The following DOCK9 variants were observed in gnomAD, a reference collection of about 807,000 sequenced individuals.
DOCK9 encodes the protein dedicator of cytokinesis 9, also known as dedicator of cytokinesis protein 9.
A neutral mutation model predicts 263.3 loss-of-function variants in DOCK9; 89 were observed. That is an observed-to-expected ratio of 0.34 (90% CI 0.28 to 0.40). The LOEUF is 0.40. Among genes scored for constraint, DOCK9 ranks in the 10% least tolerant of loss-of-function variants. The pLI, the probability that DOCK9 is intolerant of heterozygous loss-of-function variation, is 1.00. For synonymous variants in DOCK9, 976 were observed against 973.1 expected, an observed-to-expected ratio of 1.00 and a Z score of -0.06; for missense variants, 2,140 against 2,603.4, an observed-to-expected ratio of 0.82 and a Z score of 3.87.
rs182015959 is a variant in DOCK9 at position 98,869,300 on chromosome 13, T to G, written c.2944-923A>C. Among the ~76,000 whole-genome samples the G allele has an allele frequency of 3.9e-5, 6 of 152,358 alleles. No individual in the cohort carries two copies. The East Asian group carries it at 9.6e-4, about 24-fold the overall frequency. On this transcript the variant is annotated intron_variant, in intron 27 of 52. Coordinates refer to ENST00000682017, the MANE Select transcript of DOCK9 (RefSeq NM_001366683.2). ...TCAGACACTGCACTACATATTTGTA[T>G]GTACTTTTTCATTCAATTCTTGTAA...
At chr13:98,917,572 G>A (rs1018787502) in intron 7 of DOCK9, among the ~76,000 whole-genome samples, 3 of 151,890 alleles carry the variant, frequency 2.0e-5, no homozygotes, top group African/African-American at 7.3e-5. Flanking sequence ...ACAATTTTCA[G>A]TGAGCATTAA....
chr13:98,930,194 C>A lies in DOCK9; in HGVS notation c.307G>T (p.Glu103Ter). ...CSTVPAKAEE[E>*]AQSLFVTECI... ...TCTGTAACAAACAAGCTCTGTGCTT[C>A]CTCTTCCGCCTTCGCAGGCACTGTT... is the stretch of plus-strand genomic sequence containing the variant. Residue 103 changes from glutamate (E) to a stop codon, truncating the protein, a stop_gained, in exon 3 of 53, where the codon GAA becomes TAA. Coordinates refer to ENST00000682017, the MANE Select transcript of DOCK9 (RefSeq NM_001366683.2). LOFTEE classifies it high-confidence loss of function. The A allele has an allele frequency of 6.2e-7, 1 of 1,611,682 alleles. No homozygotes were observed.
At chr13:98,931,718 C>A (rs1035096663) in intron 2 of DOCK9, among the ~76,000 whole-genome samples, 10 of 152,314 alleles carry the variant, frequency 6.6e-5, no homozygotes, top group African/African-American at 2.2e-4. Flanking sequence ...ATGCTTCAGC[C>A]TCCTGAGTAG....
At chr13:98,985,069 G>T (rs1051389435) in intron 1 of DOCK9, among the ~76,000 whole-genome samples, 9 of 142,938 alleles carry the variant, frequency 6.3e-5, no homozygotes, top group South Asian at 2.5e-4. Context: ...AGACTATGGG[G>T]GCAGGGGGGT....
chr13:98,807,890 G>C, intron 47 of DOCK9, 83 bp from the exon 48 acceptor site: 1 of 1,175,258 alleles, frequency 8.5e-7, no homozygotes, highest in Non-Finnish European at 1.1e-6. Context: ...TATTACAAGG[G>C]GGAAAAAAAG....
rs2041875155 is a variant in DOCK9 at position 99,075,540 on chromosome 13, C to CT, written c.129+10682dup. 2.7e-5 allele frequency among the ~76,000 whole-genome samples: 4 copies of CT among 150,920 alleles called. No individual in the cohort carries two copies. The South Asian group carries it at 6.3e-4, about 24-fold the overall frequency. On this transcript the variant is annotated intron_variant, in intron 1 of 32. Coordinates refer to the DOCK9 transcript ENST00000427887. ...AGCTAATTTTTTCTTTCCTTTTTTT[C>CT]TTTTTTTTAGAGATGGGTTCTCACT...
At chr13:98,906,953 G>A (rs1355573953) in intron 9 of DOCK9, among the ~76,000 whole-genome samples, 5 of 152,126 alleles carry the variant, frequency 3.3e-5, no homozygotes, top group East Asian at 1.9e-4. Flanking sequence ...TGATGCTATC[G>A]ATGGGAGCCT....
chr13:99,034,265 G>A (rs1035479984), intron 1 of DOCK9, among the ~76,000 whole-genome samples: 2 of 152,044 alleles, frequency 1.3e-5, no homozygotes, highest in South Asian at 2.1e-4. Context: ...GTACAGAGTC[G>A]GCAAAGCAGG....
chr13:98,950,164 A>T, intron 2 of DOCK9: 1 of 727,870 alleles, frequency 1.4e-6, no homozygotes, highest in Non-Finnish European at 2.2e-6. Flanking sequence ...CACACCATTA[A>T]TTCTTTGGAT....
Position 98,797,248 on chromosome 13 carries a change from A to G in DOCK9, c.6023T>C (p.Phe2008Ser). 6.2e-7 allele frequency: 1 copy of G among 1,613,938 alleles called. No homozygotes were observed. Among genetic ancestry groups the G allele is most frequent in the African/African-American group, 1.3e-5 (1 of 75,018 alleles). ...TAAGGCTTGACCGCAAGCTTCCACA[A>G]ATTGCCTGGAATGGTACAGGCGGGA... ...VKLLKEVFRQFVEACGQALAV... is the reference protein window; with the variant it reads ...VKLLKEVFRQSVEACGQALAV... The change falls in exon 52 of 53, where the codon TTT (phenylalanine) becomes TCT (serine). Residue 2008 changes from phenylalanine (F) to serine (S), a missense_variant. This residue lies in a region of DOCK9 where 619 missense variants were observed against 861.8 expected (regional missense o/e 0.72). Transcript: ENST00000682017.
At chr13:98,914,190 T>G in intron 9 of DOCK9, 138 bp downstream of exon 9, 1 of 716,524 alleles carries the variant, frequency 1.4e-6, no homozygotes, top group Admixed American at 2.9e-5. Context: ...CGTCACCTCG[T>G]AATCAGGTCA....
intron 13 of DOCK9, among the ~76,000 whole-genome samples, chr13:98,899,981 C>T (rs2048029846): frequency 6.6e-6 from 1 of 151,960 alleles, no homozygotes; most frequent in African/African-American, 2.4e-5. Context: ...TGTTCTAGAC[C>T]ATCTTGGAAA....
intron 1 of DOCK9, among the ~76,000 whole-genome samples, chr13:99,073,360 TTCTCTCTCTCC>T (rs753144871): frequency 7.1e-6 from 1 of 141,300 alleles, no homozygotes; most frequent in African/African-American, 2.6e-5. Flanking sequence ...TCTTCTTCTT[TTCTCTCTCTCC>T]TCTCTCTCTC....
rs2052394196 is a variant in DOCK9, at chr13:98,923,384, C to T, written c.417-13G>A. On this transcript the variant is annotated splice_polypyrimidine_tract_variant and intron_variant, in intron 4 of 52. Transcript: ENST00000682017. ...CTTGACCACTTTGCTATAAAAACAA[C>T]AAAGAAAATTTGTTTTAGAAATGCC... 2 of 1,611,788 alleles carry T rather than the reference C, an allele frequency of 1.2e-6. No homozygotes were observed. The highest frequency in any genetic ancestry group is 1.7e-6 in the Non-Finnish European group (2 of 1,178,126).
At chr13:98,885,974 A>G (rs1448896375) in intron 19 of DOCK9, 143 bp from the exon 20 acceptor site, 4 of 706,682 alleles carry the variant, frequency 5.7e-6, no homozygotes, top group Non-Finnish European at 8.5e-6. Flanking sequence ...AAAGATACTG[A>G]GACTATAAAT....
upstream of DOCK9, among the ~76,000 whole-genome samples, chr13:98,980,362 T>C (rs1876891105): frequency 6.6e-6 from 1 of 152,278 alleles, no homozygotes; most frequent in African/African-American, 2.4e-5. Flanking sequence ...TATCCTCATT[T>C]GACAGATGAG....
Position 98,868,216 on chromosome 13 carries a change from C to G in DOCK9, c.3090+15G>C. On this transcript the variant is annotated intron_variant, in intron 28 of 52. Coordinates refer to ENST00000682017, the MANE Select transcript of DOCK9 (RefSeq NM_001366683.2). The stretch of plus-strand genomic sequence containing the variant: ...TTGTCCCATAACTGATATCCTCTTC[C>G]CTGGAGGTCCCCACCTTGATGAAGA... The G allele has an allele frequency of 5.0e-6, 8 of 1,613,344 alleles. No individual in the cohort carries two copies. Among genetic ancestry groups the G allele is most frequent in the Non-Finnish European group, 6.8e-6 (8 of 1,179,602 alleles).
intron 15 of DOCK9, among the ~76,000 whole-genome samples, chr13:98,889,053 G>A (rs2046230756): frequency 6.6e-6 from 1 of 152,180 alleles, no homozygotes; most frequent in African/African-American, 2.4e-5. Flanking sequence ...CATGGCTAGT[G>A]GCTGCGCACT....
intron 1 of DOCK9, among the ~76,000 whole-genome samples, chr13:98,987,373 T>G (rs550692806): frequency 3.7e-4 from 57 of 152,240 alleles, no homozygotes; most frequent in African/African-American, 1.3e-3. Flanking sequence ...CTAAGAAAAG[T>G]GTGGTTAAAA....
Sources: allele counts gnomAD v4.1 joint callset (sites outside exome capture counted in the v4.1 genomes callset), GRCh38; gene constraint gnomAD v4.1.1; regional missense constraint gnomAD v4.1.1; transcripts MANE v1.5; gene names NCBI Gene and HGNC (gene_info 2026-07-23, HGNC 2026-07-21).